TENM3: variants seen among roughly 807,000 people sequenced by gnomAD.
TENM3 encodes teneurin-3.
TENM3 carries 63 observed loss-of-function variants against 255.1 expected under a neutral mutation model. The observed-to-expected ratio is 0.25, with a 90% CI of 0.20 to 0.30. The LOEUF (loss-of-function observed/expected upper bound fraction) is 0.30. Among genes scored for constraint, TENM3 ranks in the 10% least tolerant of loss-of-function variants. The pLI is 1.00. For missense variants in TENM3, 2,929 were observed against 3,461.1 expected (o/e 0.85, Z 3.86); for synonymous variants, 1,306 against 1,322.3 (o/e 0.99, Z 0.27).
chr4:182,237,301 G>A (rs185076813), intron 1 of TENM3, among the ~76,000 whole-genome samples: 23 of 152,150 alleles, frequency 1.5e-4, no homozygotes, highest in East Asian at 7.7e-4. Context: ...GAATAGTGCT[G>A]CAGTAAACAT....
At chr4:182,152,744 T>A (rs1750430197) in intron 1 of TENM3, among the ~76,000 whole-genome samples, 1 of 151,854 alleles carries the variant, frequency 6.6e-6, no homozygotes, top group Non-Finnish European at 1.5e-5. Context: ...AAATTTAAAG[T>A]TTTTTATCCT....
At chr4:181,726,270 A>T in the TENM3 span, among the ~76,000 whole-genome samples, 1 of 152,206 alleles carries the variant, frequency 6.6e-6, no homozygotes. Context: ...GGGAGTCAAA[A>T]TGAGTAGAAG....
intron 8 of TENM3, among the ~76,000 whole-genome samples, 164 bp from the exon 9 acceptor site, chr4:182,680,084 G>A (rs867696401): frequency 2.0e-5 from 3 of 152,302 alleles, no homozygotes; most frequent in Middle Eastern, 6.8e-3. Context: ...TACCTTGGGA[G>A]AGGAGAATAT....
At chr4:182,468,044 CATA>C (rs1317889966) in intron 3 of TENM3, among the ~76,000 whole-genome samples, 1 of 152,118 alleles carries the variant, frequency 6.6e-6, no homozygotes, top group African/African-American at 2.4e-5. Context: ...AACTTAAATT[CATA>C]ATAATATGAA....
At chr4:182,373,042 T>C (rs1315653123) in intron 3 of TENM3, among the ~76,000 whole-genome samples, 1 of 152,160 alleles carries the variant, frequency 6.6e-6, no homozygotes, top group East Asian at 1.9e-4. Flanking sequence ...ACCAGGCCTA[T>C]TGATAATTAT....
chr4:182,129,285 T>C, the TENM3 span, among the ~76,000 whole-genome samples: 1 of 152,140 alleles, frequency 6.6e-6, no homozygotes, highest in Non-Finnish European at 1.5e-5. Flanking sequence ...TTATAATACA[T>C]ACATGGAAAT....
In TENM3 at chr4:182,197,914, C is replaced by G. The variant is rs28707171; in HGVS notation, c.-76+53160C>G. On this transcript the variant is annotated intron_variant, in intron 1 of 2. Transcript: ENST00000512480. Reference sequence around the variant, plus strand: ...GAGGTCAGGAGTTTGAGACCAGGCTCGCCAACATGGTGAACCTGCGTCTCT... The same window carrying G: ...GAGGTCAGGAGTTTGAGACCAGGCTGGCCAACATGGTGAACCTGCGTCTCT... Among the ~76,000 whole-genome samples, 1,442 of 152,148 alleles carry G rather than the reference C, an allele frequency of 9.5e-3. 21 individuals are homozygous for G. Among genetic ancestry groups the G allele is most frequent in the African/African-American group, 0.034 (1,394 of 41,514 alleles).
At chr4:182,102,696 T>C in the TENM3 span, among the ~76,000 whole-genome samples, 1 of 152,180 alleles carries the variant, frequency 6.6e-6, no homozygotes, top group Non-Finnish European at 1.5e-5. Context: ...GAGCACAGCC[T>C]GGGGTATCAG....
the TENM3 span, chr4:182,012,965 A>G: frequency 3.3e-5 from 5 of 151,984 alleles, no homozygotes; most frequent in Non-Finnish European, 7.4e-5. Flanking sequence ...TTGCACTTTC[A>G]TGGTATTTTA....
At chr4:182,178,328 G>A (rs1338137770) in intron 1 of TENM3, among the ~76,000 whole-genome samples, 1 of 152,086 alleles carries the variant, frequency 6.6e-6, no homozygotes, top group Non-Finnish European at 1.5e-5. Context: ...CCCAGGGATA[G>A]AACTTTCCTA....
At chr4:182,538,997 G>A (rs1308857402) in intron 3 of TENM3, among the ~76,000 whole-genome samples, 1 of 151,930 alleles carries the variant, frequency 6.6e-6, no homozygotes, top group African/African-American at 2.4e-5. Context: ...CAAGGGAAAT[G>A]TCAAAGCTAT....
the TENM3 span, among the ~76,000 whole-genome samples, chr4:181,484,821 AC>A: frequency 6.6e-6 from 1 of 152,080 alleles, no homozygotes; most frequent in African/African-American, 2.4e-5. Flanking sequence ...GTAATTTCCT[AC>A]CCTGCCTAAT....
At chr4:181,885,925 T>A in the TENM3 span, among the ~76,000 whole-genome samples, 1 of 152,190 alleles carries the variant, frequency 6.6e-6, no homozygotes, top group Non-Finnish European at 1.5e-5. Flanking sequence ...GAAAGTGCAG[T>A]CCCACACATG....
the TENM3 span, among the ~76,000 whole-genome samples, chr4:181,500,362 C>T: frequency 6.6e-5 from 10 of 151,336 alleles, no homozygotes; most frequent in Admixed American, 1.3e-4. Flanking sequence ...TGCAGCTTTT[C>T]TCAGGCAGAT....
chr4:182,011,479 C>T, the TENM3 span, among the ~76,000 whole-genome samples: 3 of 152,182 alleles, frequency 2.0e-5, no homozygotes. Flanking sequence ...TTGCTTCACT[C>T]CAGTCCATCA....
rs796608658 is a variant in TENM3 at position 182,423,361 on chromosome 4, A to T, written c.511+76432A>T. On this transcript the variant is annotated intron_variant, in intron 3 of 27. Transcript: ENST00000511685. ...AGATCACCTTATGTTTGTACAAGTT[A>T]AAGTTGAATCTCAAATGCCTCTGAA... is the stretch of plus-strand genomic sequence containing the variant. Among the ~76,000 whole-genome samples the T allele has an allele frequency of 1.5e-4, 23 of 152,288 alleles. 1 individual carries two copies. The highest frequency in any genetic ancestry group is 5.1e-4 in the African/African-American group (21 of 41,576).
intron 3 of TENM3, among the ~76,000 whole-genome samples, chr4:182,470,577 A>G (rs4861512): frequency 0.48 from 72,972 of 152,040 alleles, 18,958 homozygotes; most frequent in East Asian, 0.78. Flanking sequence ...GAGAAGAGAA[A>G]AGGGTCATAT....
chr4:181,470,041 T>G, the TENM3 span, among the ~76,000 whole-genome samples: 1 of 150,848 alleles, frequency 6.6e-6, no homozygotes, highest in African/African-American at 2.4e-5. Context: ...AACATGTGAC[T>G]GTGTCTTCTC....
At chr4:182,225,207 G>A (rs1356359523) in intron 1 of TENM3, among the ~76,000 whole-genome samples, 1 of 152,180 alleles carries the variant, frequency 6.6e-6, no homozygotes, top group East Asian at 1.9e-4. Flanking sequence ...ACATGTTTGA[G>A]TACTCAATAT....
Sources: allele counts gnomAD v4.1 joint callset (sites outside exome capture counted in the v4.1 genomes callset), GRCh38; gene constraint gnomAD v4.1.1; transcripts MANE v1.5; gene names NCBI Gene and HGNC (gene_info 2026-07-23, HGNC 2026-07-21).